The following SYT16 variants were observed in gnomAD, a reference collection of about 807,000 sequenced individuals.
SYT16 encodes the protein synaptotagmin-16.
SYT16 carries 42 observed loss-of-function variants against 61.4 expected under a neutral mutation model. The ratio of observed to expected loss-of-function variants is 0.68; its 90% CI spans 0.53 to 0.89. SYT16 has a LOEUF of 0.89. Ranked by LOEUF, SYT16 falls within the 40% of genes least tolerant of loss-of-function variation. SYT16 has a pLI of 0.00. For missense variants in SYT16, 804 were observed against 807.3 expected, an observed-to-expected ratio of 1.00 and a Z score of 0.05; for synonymous variants, 314 against 302.3, an observed-to-expected ratio of 1.04 and a Z score of -0.40.
At chr14:61,835,674 G>A (rs1193064427) in intron 1 of SYT16, among the ~76,000 whole-genome samples, 1 of 151,638 alleles carries the variant, frequency 6.6e-6, no homozygotes, top group African/African-American at 2.4e-5. Context: ...TTTTTACACT[G>A]TTTTCTTCTT....
Position 62,041,249 on chromosome 14 carries a change from C to T in SYT16, c.524-28354C>T, listed in dbSNP as rs117061293. On this transcript the variant is annotated intron_variant, in intron 3 of 7. Coordinates refer to ENST00000683842, the MANE Select transcript of SYT16 (RefSeq NM_001367656.1). ...TGTTAATCTCCTTTGGCAGCACCCTCACAAACACACCCACAAACAATACTG... is the reference window on the plus strand; with the variant it reads ...TGTTAATCTCCTTTGGCAGCACCCTTACAAACACACCCACAAACAATACTG... Among the ~76,000 whole-genome samples the T allele has an allele frequency of 1.4e-3, 215 of 152,290 alleles. 5 individuals carry two copies. Among genetic ancestry groups the T allele is most frequent in the South Asian group, 2.1e-3 (10 of 4,826 alleles).
At chr14:61,990,640 G>T (rs1158252725) in intron 2 of SYT16, among the ~76,000 whole-genome samples, 1 of 152,104 alleles carries the variant, frequency 6.6e-6, no homozygotes. Flanking sequence ...TTCTGCTTTA[G>T]CTTTCACCAA....
At chr14:62,042,209 A>C (rs549558959) in intron 3 of SYT16, among the ~76,000 whole-genome samples, 1 of 151,838 alleles carries the variant, frequency 6.6e-6, no homozygotes, top group Admixed American at 6.6e-5. Flanking sequence ...TGCTATGTTG[A>C]CCAGGCTGGT....
intron 3 of SYT16, among the ~76,000 whole-genome samples, chr14:62,017,699 A>G (rs1490501921): frequency 1.3e-5 from 2 of 151,928 alleles, no homozygotes; most frequent in Admixed American, 6.6e-5. Context: ...TGGTGCTTTA[A>G]GCAACCATTA....
intron 3 of SYT16, among the ~76,000 whole-genome samples, chr14:62,010,504 T>A (rs1275151583): frequency 1.3e-5 from 2 of 151,374 alleles, no homozygotes; most frequent in African/African-American, 4.9e-5. Context: ...GGGTGAGGAG[T>A]GTTTTGGTAT....
intron 1 of SYT16, among the ~76,000 whole-genome samples, chr14:61,819,826 G>A (rs2045559150): frequency 6.6e-6 from 1 of 152,214 alleles, no homozygotes; most frequent in Non-Finnish European, 1.5e-5. Flanking sequence ...CTGGGTAAGA[G>A]GTAAATTGTT....
chr14:61,889,611 C>T (rs554757696), intron 1 of SYT16, among the ~76,000 whole-genome samples: 31 of 151,204 alleles, frequency 2.1e-4, no homozygotes, highest in African/African-American at 7.3e-4. Flanking sequence ...TCTCTGTCTC[C>T]CTCCCTCTCT....
chr14:61,894,096 C>T (rs1005093612), intron 1 of SYT16, among the ~76,000 whole-genome samples: 2 of 152,056 alleles, frequency 1.3e-5, no homozygotes, highest in African/African-American at 2.4e-5. Context: ...CCAGCCTGAC[C>T]AACATGGTAA....
At chr14:62,098,415 A>G (rs984717695) in intron 7 of SYT16, among the ~76,000 whole-genome samples, 9 of 152,228 alleles carry the variant, frequency 5.9e-5, no homozygotes, top group Non-Finnish European at 4.4e-5. Context: ...TAAAAATGTG[A>G]TTGAGGAGAT....
chr14:61,864,658 A>G (rs2047078318), intron 1 of SYT16, among the ~76,000 whole-genome samples: 1 of 152,240 alleles, frequency 6.6e-6, no homozygotes, highest in African/African-American at 2.4e-5. Flanking sequence ...CGGTACTCTC[A>G]GGCCCTTTTA....
intron 1 of SYT16, among the ~76,000 whole-genome samples, chr14:61,850,932 A>G (rs2046596282): frequency 6.6e-6 from 1 of 152,092 alleles, no homozygotes; most frequent in Non-Finnish European, 1.5e-5. Flanking sequence ...TCAGGGGTAC[A>G]TGTACAAGAT....
At chr14:62,077,069 G>C (rs757179151) in intron 5 of SYT16, among the ~76,000 whole-genome samples, 4 of 152,194 alleles carry the variant, frequency 2.6e-5, no homozygotes, top group Non-Finnish European at 5.9e-5. Context: ...TGCTTTGCAG[G>C]CTTAGCTTGC....
chr14:61,917,217 G>T (rs2140395841), intron 1 of SYT16, among the ~76,000 whole-genome samples: 1 of 152,288 alleles, frequency 6.6e-6, no homozygotes, highest in Admixed American at 6.5e-5. Context: ...CTGTCTTGGA[G>T]AGTCCCATCC....
At chr14:61,921,059 C>T (rs2049316878) in intron 1 of SYT16, among the ~76,000 whole-genome samples, 1 of 152,176 alleles carries the variant, frequency 6.6e-6, no homozygotes, top group African/African-American at 2.4e-5. Context: ...GTGCTCACTT[C>T]CAGCTTGGTA....
intron 1 of SYT16, among the ~76,000 whole-genome samples, chr14:61,949,173 A>G (rs923839784): frequency 6.6e-5 from 10 of 152,224 alleles, no homozygotes; most frequent in Non-Finnish European, 1.3e-4. Context: ...TCATTATAGT[A>G]TAAAGGCTGG....
At chr14:61,899,451 C>T (rs1040920171) in intron 1 of SYT16, among the ~76,000 whole-genome samples, 5 of 152,184 alleles carry the variant, frequency 3.3e-5, no homozygotes, top group African/African-American at 1.2e-4. Flanking sequence ...ATATTCACTT[C>T]CCTCCAGGGA....
At chr14:62,036,436 G>A (rs536545868) in intron 3 of SYT16, among the ~76,000 whole-genome samples, 12 of 152,216 alleles carry the variant, frequency 7.9e-5, no homozygotes, top group African/African-American at 2.9e-4. Context: ...CTGCCCTGCT[G>A]GCCATCAGTA....
At chr14:61,855,177 C>A (rs1338638882) in intron 1 of SYT16, among the ~76,000 whole-genome samples, 1 of 152,196 alleles carries the variant, frequency 6.6e-6, no homozygotes, top group Non-Finnish European at 1.5e-5. Context: ...GGCATATTTA[C>A]ATTTTCAGAA....
chr14:61,918,093 C>T (rs1339796620), intron 1 of SYT16, among the ~76,000 whole-genome samples: 1 of 152,108 alleles, frequency 6.6e-6, no homozygotes, highest in African/African-American at 2.4e-5. Flanking sequence ...GATGCTTGAC[C>T]TGCATAAGGA....
Sources: allele counts gnomAD v4.1 joint callset (sites outside exome capture counted in the v4.1 genomes callset), GRCh38; gene constraint gnomAD v4.1.1; transcripts MANE v1.5; gene names NCBI Gene and HGNC (gene_info 2026-07-23, HGNC 2026-07-21).